Variants in PRKAR1B observed in about 807,000 individuals in gnomAD.
The protein encoded by PRKAR1B is protein kinase cAMP-dependent type I regulatory subunit beta.
A neutral mutation model predicts 46.5 loss-of-function variants in PRKAR1B; 22 were observed. The observed-to-expected ratio is 0.47, with a 90% confidence interval of 0.34 to 0.68. PRKAR1B has a LOEUF of 0.68. Among genes scored for constraint, PRKAR1B ranks in the 30% least tolerant of loss-of-function variants. The pLI is 0.01. For synonymous variants in PRKAR1B, 259 were observed against 217.7 expected, an observed-to-expected ratio of 1.19 and a Z score of -1.67; for missense variants, 445 against 535.6, an observed-to-expected ratio of 0.83 and a Z score of 1.67.
intron 4 of PRKAR1B, among the ~76,000 whole-genome samples, chr7:657,667 T>A (rs1785286818): frequency 6.6e-6 from 1 of 152,222 alleles, no homozygotes; most frequent in Non-Finnish European, 1.5e-5. Flanking sequence ...GGACACCCTG[T>A]CCTTCCACAG....
intron 2 of PRKAR1B, among the ~76,000 whole-genome samples, chr7:699,561 G>A (rs1209069926): frequency 6.6e-6 from 1 of 151,818 alleles, no homozygotes; most frequent in Non-Finnish European, 1.5e-5. Context: ...GCAGAGCTGG[G>A]ACTTGGGGTT....
At chr7:598,332 C>T (rs1485095693) in intron 6 of PRKAR1B, among the ~76,000 whole-genome samples, 1 of 145,082 alleles carries the variant, frequency 6.9e-6, no homozygotes, top group East Asian at 2.1e-4. Context: ...GCCCTCACTC[C>T]AGCACCCTCC....
chr7:670,085 G>C, intron 4 of PRKAR1B, among the ~76,000 whole-genome samples: 1 of 151,662 alleles, frequency 6.6e-6, no homozygotes, highest in South Asian at 2.1e-4. Flanking sequence ...AGCCAGGATG[G>C]TCTCAATCTC....
At chr7:672,799 G>A (rs527787238) in intron 4 of PRKAR1B, among the ~76,000 whole-genome samples, 6 of 151,968 alleles carry the variant, frequency 3.9e-5, no homozygotes, top group Admixed American at 6.5e-5. Context: ...ACCCGGAGGC[G>A]GACATTGCAG....
chr7:551,296 G>GC, intron 10 of PRKAR1B, 93 bp downstream of exon 10: 2 of 1,226,636 alleles, frequency 1.6e-6, no homozygotes, highest in South Asian at 1.4e-5. Flanking sequence ...CCCCAGGGAA[G>GC]CCCCCCAGCA....
intron 2 of PRKAR1B, among the ~76,000 whole-genome samples, chr7:705,646 T>C (rs1484711261): frequency 1.3e-5 from 2 of 152,240 alleles, no homozygotes; most frequent in Admixed American, 6.5e-5. Flanking sequence ...CAAGTGTTCC[T>C]AGACAGGGTA....
At chr7:563,542 GTGCA>G (rs1420584402) in intron 9 of PRKAR1B, among the ~76,000 whole-genome samples, 1 of 152,260 alleles carries the variant, frequency 6.6e-6, no homozygotes, top group Non-Finnish European at 1.5e-5. Context: ...GGGTGTGTGT[GTGCA>G]TGCATGTGTG....
chr7:569,557 G>T (rs1209983196), intron 9 of PRKAR1B, among the ~76,000 whole-genome samples: 1 of 152,206 alleles, frequency 6.6e-6, no homozygotes, highest in Admixed American at 6.5e-5. Flanking sequence ...GGGCCAGGGG[G>T]CATGCAGCCC....
intron 4 of PRKAR1B, among the ~76,000 whole-genome samples, chr7:638,475 A>G (rs1784234679): frequency 6.6e-6 from 1 of 152,146 alleles, no homozygotes; most frequent in Admixed American, 6.6e-5. Context: ...CCTCTCCCCG[A>G]GGGTCTCTCC....
chr7:671,390 G>T (rs1786246647), intron 4 of PRKAR1B, among the ~76,000 whole-genome samples: 1 of 152,210 alleles, frequency 6.6e-6, no homozygotes, highest in South Asian at 2.1e-4. Context: ...TGAGTTCCAA[G>T]AAGCACCAGA....
intron 4 of PRKAR1B, among the ~76,000 whole-genome samples, chr7:675,673 C>T (rs754797193): frequency 2.0e-5 from 3 of 152,120 alleles, no homozygotes; most frequent in Non-Finnish European, 2.9e-5. Flanking sequence ...GCAGGCCGGG[C>T]GCAGTGGCTC....
intron 6 of PRKAR1B, among the ~76,000 whole-genome samples, chr7:600,698 C>T (rs554511293): frequency 1.7e-4 from 26 of 152,018 alleles, no homozygotes; most frequent in Non-Finnish European, 2.5e-4. Flanking sequence ...TCAGTGGGGA[C>T]GTCGTGATGC....
chr7:726,580 A>C, intron 1 of PRKAR1B: 1 of 592,490 alleles, frequency 1.7e-6, no homozygotes, highest in Non-Finnish European at 2.4e-6. Context: ...CGAGCACGAC[A>C]AGAGCACAGG....
chr7:644,549 G>A lies in PRKAR1B; in HGVS notation c.440+32680C>T, dbSNP rs1784536739. ...ACCCTCCACTCCCCGCTGCCAGGGA[G>A]CCCTCCCAGCACTGAGGGGGCACCA... On this transcript the variant is annotated intron_variant, in intron 4 of 10. Coordinates refer to ENST00000537384, the MANE Select transcript of PRKAR1B (RefSeq NM_001164760.2). The surrounding 1 kb of genome is among the most constrained non-coding windows in gnomAD (Gnocchi z 4.9). Among the ~76,000 whole-genome samples the A allele has an allele frequency of 6.6e-6, 1 of 152,158 alleles. No individual in the cohort carries two copies. Among genetic ancestry groups the A allele is most frequent in the South Asian group, 2.1e-4 (1 of 4,824 alleles).
chr7:693,330 A>T (rs527488616), intron 2 of PRKAR1B, among the ~76,000 whole-genome samples: 3 of 151,484 alleles, frequency 2.0e-5, no homozygotes, highest in African/African-American at 7.3e-5. Context: ...ACGTCGACAC[A>T]TTCACCGTGC....
In PRKAR1B at chr7:680,737, G is replaced by A; in HGVS notation, c.178-11C>T. ...CTGCCTGTTTTCTTCCTGTGTGGGA[G>A]AGGAAAACACAGAAAGGAAGTAAGA... is the stretch of plus-strand genomic sequence containing the variant. On this transcript the variant is annotated splice_polypyrimidine_tract_variant and intron_variant, in intron 2 of 10. Transcript: ENST00000537384. The A allele has an allele frequency of 2.5e-6, 4 of 1,613,820 alleles. No individual in the cohort carries two copies. The highest frequency in any genetic ancestry group is 1.3e-5 in the African/African-American group (1 of 75,008).
rs763666358 is a variant in PRKAR1B at position 607,469 on chromosome 7, G to A, written c.441-17C>T. 26 of 1,610,096 alleles carry A rather than the reference G, an allele frequency of 1.6e-5. No homozygotes were observed. Among genetic ancestry groups the A allele is most frequent in the South Asian group, 5.5e-5 (5 of 90,976 alleles). Reference sequence around the variant, plus strand: ...AATATGTCACTGAAAAGCAAAACACGCCAAATTAGGGCTGCAGGCAGCACA... The same window carrying A: ...AATATGTCACTGAAAAGCAAAACACACCAAATTAGGGCTGCAGGCAGCACA... On this transcript the variant is annotated splice_polypyrimidine_tract_variant and intron_variant, in intron 4 of 10. Transcript: ENST00000537384.
intron 6 of PRKAR1B, among the ~76,000 whole-genome samples, chr7:596,927 T>A (rs1340428322): frequency 2.0e-5 from 3 of 152,268 alleles, no homozygotes; most frequent in Admixed American, 1.3e-4. Context: ...ATGGGCGCCC[T>A]ATGGCTGGGC....
chr7:621,256 C>A (rs190095005), intron 4 of PRKAR1B, among the ~76,000 whole-genome samples: 1 of 152,288 alleles, frequency 6.6e-6, no homozygotes, highest in African/African-American at 2.4e-5. Flanking sequence ...TCAGAAAGAA[C>A]CCTTTGGGAG....
Sources: gnomAD v4.1 joint callset for allele counts (sites outside exome capture counted in the v4.1 genomes callset) on GRCh38, gnomAD v4.1.1 for gene constraint, Gnocchi (gnomAD v3.1) non-coding constraint, MANE v1.5 for transcripts, NCBI Gene and HGNC (gene_info 2026-07-23, HGNC 2026-07-21) for gene names.